Variants in LARGE1 observed in about 807,000 individuals in gnomAD.
LARGE1 encodes the protein LARGE xylosyl- and glucuronyltransferase 1, also known as xylosyl- and glucuronyltransferase LARGE1.
In LARGE1, 43 loss-of-function variants were observed where a neutral mutation model predicts 87.6. The ratio of observed to expected loss-of-function variants is 0.49; its 90% CI spans 0.38 to 0.63. The LOEUF is 0.63. Among genes scored for constraint, LARGE1 ranks in the 30% least tolerant of loss-of-function variants. The pLI is 0.00. For missense variants in LARGE1, 802 were observed against 1,000.2 expected, an observed-to-expected ratio of 0.80 and a Z score of 2.67; for synonymous variants, 434 against 394.6, an observed-to-expected ratio of 1.10 and a Z score of -1.18.
chr22:33,149,128 CCTG>C, the LARGE1 span, among the ~76,000 whole-genome samples: 1 of 151,274 alleles, frequency 6.6e-6, no homozygotes, highest in Non-Finnish European at 1.5e-5. Context: ...ATCTCCGCCT[CCTG>C]GTTCACTCCA....
the LARGE1 span, among the ~76,000 whole-genome samples, chr22:33,105,101 G>A: frequency 6.6e-6 from 1 of 151,654 alleles, no homozygotes; most frequent in African/African-American, 2.4e-5. Flanking sequence ...GGGTTCAAGC[G>A]ATTCTCCTGC....
intron 6 of LARGE1, among the ~76,000 whole-genome samples, chr22:33,528,272 C>T (rs966738697): frequency 1.3e-5 from 2 of 152,102 alleles, no homozygotes; most frequent in African/African-American, 4.8e-5. Flanking sequence ...TGCATGGTGG[C>T]TATTCTAACA....
intron 3 of LARGE1, among the ~76,000 whole-genome samples, chr22:33,629,758 T>C (rs2080043982): frequency 6.6e-6 from 1 of 152,184 alleles, no homozygotes; most frequent in African/African-American, 2.4e-5. Context: ...AGATTAAAAA[T>C]GGTCACAACT....
chr22:33,429,934 AAC>A (rs931464189), intron 7 of LARGE1, among the ~76,000 whole-genome samples: 1 of 152,170 alleles, frequency 6.6e-6, no homozygotes, highest in Non-Finnish European at 1.5e-5. Flanking sequence ...TGGGACAGGA[AAC>A]AGAGTGCCAT....
At chr22:33,334,072 G>A (rs997599366) in intron 10 of LARGE1, among the ~76,000 whole-genome samples, 5 of 151,806 alleles carry the variant, frequency 3.3e-5, no homozygotes, top group African/African-American at 9.7e-5. Context: ...GCCATGAGCC[G>A]AGATCGCGGC....
intron 1 of LARGE1, among the ~76,000 whole-genome samples, chr22:33,821,423 G>C (rs1007658000): frequency 6.6e-6 from 1 of 152,170 alleles, no homozygotes; most frequent in African/African-American, 2.4e-5. Flanking sequence ...AACTCCTAGA[G>C]TGCAGAGGCC....
intron 5 of LARGE1, among the ~76,000 whole-genome samples, chr22:33,592,022 A>G (rs1231630348): frequency 2.1e-5 from 3 of 145,858 alleles, no homozygotes; most frequent in Non-Finnish European, 3.0e-5. Context: ...GGAGACCCAG[A>G]GAAAGAAAGA....
At chr22:33,804,792 G>A (rs1055662135) in intron 1 of LARGE1, among the ~76,000 whole-genome samples, 1 of 152,194 alleles carries the variant, frequency 6.6e-6, no homozygotes, top group African/African-American at 2.4e-5. Context: ...AGAGAGTGCA[G>A]TCAAGTTCAG....
At chr22:33,810,553 G>A (rs1303199474) in intron 1 of LARGE1, among the ~76,000 whole-genome samples, 1 of 152,106 alleles carries the variant, frequency 6.6e-6, no homozygotes, top group East Asian at 1.9e-4. Context: ...ACGAATGCAT[G>A]CAACTCACTG....
chr22:33,431,623 A>T (rs1183325387), intron 7 of LARGE1, among the ~76,000 whole-genome samples: 1 of 152,220 alleles, frequency 6.6e-6, no homozygotes, highest in Non-Finnish European at 1.5e-5. Context: ...ATGCTTAGTC[A>T]ATGAAATATG....
chr22:33,668,722 CACTT>C (rs1298537230), intron 2 of LARGE1, among the ~76,000 whole-genome samples: 3 of 152,142 alleles, frequency 2.0e-5, no homozygotes, highest in Admixed American at 2.0e-4. Flanking sequence ...GACTCACAGG[CACTT>C]GCCTAAGATC....
chr22:33,499,084 G>C (rs1468148061), intron 6 of LARGE1, among the ~76,000 whole-genome samples: 1 of 152,178 alleles, frequency 6.6e-6, no homozygotes, highest in Non-Finnish European at 1.5e-5. Context: ...CTTTTGGGAT[G>C]ACAGACATCT....
chr22:33,179,385 A>G (rs1191583870), intron 11 of LARGE1, among the ~76,000 whole-genome samples: 1 of 150,884 alleles, frequency 6.6e-6, no homozygotes, highest in Non-Finnish European at 1.5e-5. Context: ...TCTTGAGCAA[A>G]ATCTTTCCCA....
At chr22:33,381,771 C>T (rs1268726732) in intron 9 of LARGE1, 148 bp downstream of exon 9, 4 of 1,128,128 alleles carry the variant, frequency 3.5e-6, no homozygotes, top group African/African-American at 1.5e-5. Flanking sequence ...CAACACCCCA[C>T]AAAGATGAAA....
chr22:33,452,647 C>T (rs1284975660), intron 6 of LARGE1, among the ~76,000 whole-genome samples: 5 of 152,132 alleles, frequency 3.3e-5, no homozygotes, highest in South Asian at 2.1e-4. Flanking sequence ...GAAGGCCACA[C>T]GGTGGATTTG....
At chr22:33,141,676 T>G in the LARGE1 span, among the ~76,000 whole-genome samples, 66 of 152,288 alleles carry the variant, frequency 4.3e-4, no homozygotes, top group Non-Finnish European at 8.4e-4. Context: ...CTGAGGTTGT[T>G]CCAAGCCATT....
chr22:33,362,824 G>C (rs1042382873), intron 9 of LARGE1, among the ~76,000 whole-genome samples: 1 of 149,620 alleles, frequency 6.7e-6, no homozygotes, highest in Non-Finnish European at 1.5e-5. Context: ...GAGACTAAAG[G>C]GGGGAAAATA....
intron 1 of LARGE1, among the ~76,000 whole-genome samples, chr22:33,885,606 T>C (rs1185447616): frequency 2.0e-5 from 3 of 152,146 alleles, no homozygotes; most frequent in African/African-American, 7.2e-5. Context: ...TATAATGAAA[T>C]CTAGTGAGTG....
chr22:33,332,164 A>C (rs1937801538), intron 10 of LARGE1, among the ~76,000 whole-genome samples: 1 of 152,170 alleles, frequency 6.6e-6, no homozygotes, highest in South Asian at 2.1e-4. Context: ...TCTCATCTTG[A>C]ATTGTAGCTC....
Sources: gnomAD v4.1 joint callset for allele counts (sites outside exome capture counted in the v4.1 genomes callset) on GRCh38, gnomAD v4.1.1 for gene constraint, MANE v1.5 for transcripts, NCBI Gene and HGNC (gene_info 2026-07-23, HGNC 2026-07-21) for gene names.